Variants in RALYL observed in about 807,000 individuals in gnomAD.
RALYL encodes the protein RALY RNA binding protein like.
RALYL carries 29 observed loss-of-function variants against 35.1 expected under a neutral mutation model. The ratio of observed to expected loss-of-function variants is 0.83; its 90% confidence interval spans 0.61 to 1.13. The LOEUF (loss-of-function observed/expected upper bound fraction) is 1.13. Ranked by LOEUF, RALYL falls within the 50% of genes most tolerant of loss-of-function variation. The probability of loss-of-function intolerance (pLI) is 0.00; values close to 1 mark genes in which losing one functional copy is unlikely to be tolerated. For synonymous variants in RALYL, 120 were observed against 127.6 expected (o/e 0.94, Z 0.40); for missense variants, 359 against 360.4 (o/e 1.00, Z 0.03).
chr8:84,378,550 A>G (rs1857364541), intron 1 of RALYL, among the ~76,000 whole-genome samples: 1 of 151,922 alleles, frequency 6.6e-6, no homozygotes, highest in Non-Finnish European at 1.5e-5. Flanking sequence ...AGGAGACAGA[A>G]GAATTGTCCT....
intron 1 of RALYL, among the ~76,000 whole-genome samples, chr8:84,409,549 T>C (rs1299726708): frequency 1.3e-5 from 2 of 152,038 alleles, no homozygotes; most frequent in Admixed American, 6.6e-5. Context: ...TAATTGCACT[T>C]TATAGACGAA....
At chr8:84,879,273 G>A (rs1841764079) in intron 7 of RALYL, among the ~76,000 whole-genome samples, 1 of 152,146 alleles carries the variant, frequency 6.6e-6, no homozygotes, top group African/African-American at 2.4e-5. Flanking sequence ...GGAGGGGTAA[G>A]TTTGCATAAG....
chr8:84,294,685 G>C (rs60414985), intron 1 of RALYL, among the ~76,000 whole-genome samples: 7,197 of 151,992 alleles, frequency 0.047, 267 homozygotes, highest in African/African-American at 0.083. Context: ...AAAGGTCACC[G>C]ACCTTCACTT....
At chr8:84,539,498 A>G (rs1363340518) in intron 2 of RALYL, among the ~76,000 whole-genome samples, 2 of 152,052 alleles carry the variant, frequency 1.3e-5, no homozygotes, top group Non-Finnish European at 2.9e-5. Context: ...TGAGGAAGCC[A>G]TGGGACTAGG....
chr8:84,260,191 A>C (rs1302999383), intron 1 of RALYL, among the ~76,000 whole-genome samples: 1 of 152,188 alleles, frequency 6.6e-6, no homozygotes, highest in Admixed American at 6.6e-5. Context: ...AGAAACATGC[A>C]ATTTACCCAT....
At chr8:84,698,062 CAT>C (rs1475681197) in intron 2 of RALYL, among the ~76,000 whole-genome samples, 1 of 152,100 alleles carries the variant, frequency 6.6e-6, no homozygotes, top group Non-Finnish European at 1.5e-5. Flanking sequence ...TTTTACAACA[CAT>C]GAGATAGTGG....
intron 2 of RALYL, among the ~76,000 whole-genome samples, chr8:84,718,758 CTG>C (rs1269556287): frequency 4.0e-5 from 6 of 151,020 alleles, no homozygotes; most frequent in Non-Finnish European, 8.8e-5. Context: ...GAGTGAGACT[CTG>C]TTTAAAAAAA....
chr8:84,353,991 T>C (rs542247445), intron 1 of RALYL, among the ~76,000 whole-genome samples: 1 of 150,142 alleles, frequency 6.7e-6, no homozygotes, highest in East Asian at 1.9e-4. Context: ...TTGTTGTCAA[T>C]GACTCACAGT....
intron 2 of RALYL, among the ~76,000 whole-genome samples, chr8:84,622,804 T>G (rs1416628539): frequency 3.3e-5 from 5 of 152,160 alleles, no homozygotes; most frequent in Admixed American, 2.6e-4. Context: ...CTGTTTAATT[T>G]GAAAAATAGA....
chr8:84,840,485 G>T (rs887012993), intron 4 of RALYL, among the ~76,000 whole-genome samples: 1 of 152,170 alleles, frequency 6.6e-6, no homozygotes, highest in African/African-American at 2.4e-5. Context: ...CCAAATCTAC[G>T]CCTGACTGGT....
intron 1 of RALYL, among the ~76,000 whole-genome samples, chr8:84,300,473 G>A (rs913489170): frequency 2.0e-5 from 3 of 152,006 alleles, no homozygotes; most frequent in Admixed American, 6.6e-5. Flanking sequence ...CAAGTGTCAA[G>A]TATAGGTCCT....
chr8:84,448,558 C>G (rs1421994637), intron 1 of RALYL, among the ~76,000 whole-genome samples: 1 of 151,954 alleles, frequency 6.6e-6, no homozygotes, highest in East Asian at 1.9e-4. Context: ...GAATTGTTGT[C>G]ATTTAACAAA....
chr8:84,871,864 C>T (rs992986577), intron 6 of RALYL, among the ~76,000 whole-genome samples: 1 of 152,066 alleles, frequency 6.6e-6, no homozygotes, highest in African/African-American at 2.4e-5. Flanking sequence ...CATAACATAT[C>T]ATGTATATTA....
At chr8:84,377,344 G>A (rs1384487245) in intron 1 of RALYL, among the ~76,000 whole-genome samples, 1 of 149,776 alleles carries the variant, frequency 6.7e-6, no homozygotes, top group East Asian at 2.0e-4. Context: ...AAAGAATCTT[G>A]AAGAATTTAA....
At chr8:84,393,091 A>G (rs77879298) in intron 1 of RALYL, among the ~76,000 whole-genome samples, 4,528 of 152,098 alleles carry the variant, frequency 0.03, 218 homozygotes, top group African/African-American at 0.1. Context: ...TTAAAACACC[A>G]CACATTTCTC....
chr8:84,629,699 T>TAC (rs1823515729), intron 2 of RALYL, among the ~76,000 whole-genome samples: 1 of 152,018 alleles, frequency 6.6e-6, no homozygotes. Context: ...TGTGTGTATA[T>TAC]ACACACAGTA....
intron 6 of RALYL, among the ~76,000 whole-genome samples, chr8:84,868,367 A>AT (rs1350228504): frequency 6.6e-6 from 1 of 152,046 alleles, no homozygotes; most frequent in Non-Finnish European, 1.5e-5. Flanking sequence ...TAATTTCCTT[A>AT]TTTTTTGTGG....
intron 1 of RALYL, among the ~76,000 whole-genome samples, chr8:84,495,045 G>T (rs558988389): frequency 2.0e-5 from 3 of 152,140 alleles, no homozygotes; most frequent in Admixed American, 6.6e-5. Context: ...GTCACAAATT[G>T]ATTTTATAAT....
intron 2 of RALYL, among the ~76,000 whole-genome samples, chr8:84,552,750 G>C (rs536321227): frequency 6.7e-6 from 1 of 148,534 alleles, no homozygotes; most frequent in South Asian, 2.1e-4. Context: ...TTGACTTCTT[G>C]TTGCAACTTC....
Sources: allele counts gnomAD v4.1 joint callset (sites outside exome capture counted in the v4.1 genomes callset), GRCh38; gene constraint gnomAD v4.1.1; transcripts MANE v1.5; gene names NCBI Gene and HGNC (gene_info 2026-07-23, HGNC 2026-07-21).